NTM: variants seen among roughly 807,000 people sequenced by gnomAD.
NTM encodes the protein IgLON family member 2.
A neutral mutation model predicts 42.1 loss-of-function variants in NTM; 13 were observed. The observed-to-expected ratio is 0.31, with a 90% CI of 0.20 to 0.49. The LOEUF (loss-of-function observed/expected upper bound fraction) is 0.49, where lower values mean the gene tolerates loss of function less well. NTM is among the 20% of genes least tolerant of loss of function. The pLI is 0.99. For missense variants in NTM, 373 were observed against 452.8 expected (o/e 0.82, Z 1.60); for synonymous variants, 187 against 179.2 (o/e 1.04, Z -0.35).
intron 1 of NTM, among the ~76,000 whole-genome samples, chr11:131,678,840 C>T (rs1361821051): frequency 2.0e-5 from 3 of 152,144 alleles, no homozygotes; most frequent in African/African-American, 7.2e-5. Context: ...TAGAACAAGG[C>T]TGTCCGGGAC....
At chr11:132,113,662 T>A (rs372233543) in intron 2 of NTM, among the ~76,000 whole-genome samples, 14 of 152,246 alleles carry the variant, frequency 9.2e-5, no homozygotes, top group African/African-American at 3.1e-4. Flanking sequence ...GTTAACACAA[T>A]CATTTCTTGG....
chr11:131,570,329 G>A (rs1161700989), intron 1 of NTM, among the ~76,000 whole-genome samples: 2 of 152,100 alleles, frequency 1.3e-5, no homozygotes, highest in African/African-American at 4.8e-5. Context: ...ATACTCCTCG[G>A]CCGCGTTCCA....
At chr11:131,596,368 T>G (rs1266004150) in intron 1 of NTM, among the ~76,000 whole-genome samples, 1 of 152,230 alleles carries the variant, frequency 6.6e-6, no homozygotes, top group African/African-American at 2.4e-5. Context: ...AGGTCTCCAC[T>G]GCAAATACCA....
intron 3 of NTM, among the ~76,000 whole-genome samples, chr11:132,189,104 A>AG (rs2078893289): frequency 6.6e-6 from 1 of 152,290 alleles, no homozygotes; most frequent in South Asian, 2.1e-4. Flanking sequence ...AGTGTTGGGA[A>AG]GGGGGGCAGG....
At chr11:131,802,242 T>C (rs2092179376) in intron 1 of NTM, among the ~76,000 whole-genome samples, 1 of 152,142 alleles carries the variant, frequency 6.6e-6, no homozygotes, top group South Asian at 2.1e-4. Flanking sequence ...CTCAGAAAAT[T>C]CTCCCATTTA....
chr11:131,503,441 A>T (rs2047078098), intron 1 of NTM, among the ~76,000 whole-genome samples: 2 of 152,152 alleles, frequency 1.3e-5, no homozygotes, highest in Admixed American at 1.3e-4. Context: ...AGACAGCAGA[A>T]GGTGGAGGAA....
At position 131,789,506 on chromosome 11, in the gene NTM, GAA is replaced by G. The variant is rs1565551333; in HGVS notation, c.83-122057_83-122056del. On this transcript the variant is annotated intron_variant, in intron 1 of 8. Transcript: ENST00000683400. ...GAAGAAGAAGAGGAAAGAAGAAGAA[GAA>G]GAAGAAGAAGAAGAAGAAGAAGAAG... Among the ~76,000 whole-genome samples the G allele has an allele frequency of 3.1e-4, 3 of 9,792 alleles. 1 individual carries two copies. The highest frequency in any genetic ancestry group is 2.6e-3 in the East Asian group (1 of 380). 6.4% of individuals were successfully genotyped at this position (9,792 alleles called of 152,430 possible).
intron 2 of NTM, among the ~76,000 whole-genome samples, chr11:132,098,492 C>T (rs1315077465): frequency 6.6e-6 from 1 of 152,226 alleles, no homozygotes; most frequent in Non-Finnish European, 1.5e-5. Context: ...TGGCAGCTGT[C>T]TCCTACCCAC....
chr11:131,801,254 T>C (rs973617845), intron 1 of NTM, among the ~76,000 whole-genome samples: 4 of 152,328 alleles, frequency 2.6e-5, no homozygotes, highest in African/African-American at 9.6e-5. Flanking sequence ...ATGGGTAGAA[T>C]GCTATTTGTC....
At chr11:131,853,838 T>C (rs2045835449) in intron 1 of NTM, among the ~76,000 whole-genome samples, 1 of 152,214 alleles carries the variant, frequency 6.6e-6, no homozygotes, top group South Asian at 2.1e-4. Context: ...ACAATGGCTA[T>C]ACTACTCTAC....
intron 1 of NTM, among the ~76,000 whole-genome samples, chr11:131,598,300 G>A (rs2059987379): frequency 6.6e-6 from 1 of 152,192 alleles, no homozygotes; most frequent in African/African-American, 2.4e-5. Context: ...TTCTAGTTGT[G>A]GTGCCAGATG....
chr11:131,858,189 T>C (rs1208446970), intron 1 of NTM, among the ~76,000 whole-genome samples: 1 of 152,186 alleles, frequency 6.6e-6, no homozygotes, highest in Non-Finnish European at 1.5e-5. Context: ...CACTCTCTTT[T>C]CTTCATGCTA....
At chr11:132,175,177 G>A (rs1275570109) in intron 3 of NTM, among the ~76,000 whole-genome samples, 3 of 152,120 alleles carry the variant, frequency 2.0e-5, no homozygotes, top group Middle Eastern at 6.8e-3. Flanking sequence ...TAAAGGTTTG[G>A]GGTGCACTTG....
intron 1 of NTM, among the ~76,000 whole-genome samples, chr11:131,654,491 T>G (rs939813422): frequency 5.3e-5 from 8 of 151,846 alleles, no homozygotes; most frequent in African/African-American, 1.9e-4. Flanking sequence ...CTTCTCAGAG[T>G]CCGGTCTCTG....
In NTM at chr11:131,571,213, C is replaced by CT. The variant is rs1285450160; in HGVS notation, c.82+200331dup. On this transcript the variant is annotated intron_variant, in intron 1 of 8. Transcript: ENST00000683400. Reference sequence around the variant, plus strand: ...ACTATTAGGTAACTAATTAACCATGCTTTTTTATAAATGCTGGAGTTGGGG... The same window carrying CT: ...ACTATTAGGTAACTAATTAACCATGCTTTTTTTATAAATGCTGGAGTTGGGG... Among the ~76,000 whole-genome samples, 4 of 152,330 alleles carry CT rather than the reference C, an allele frequency of 2.6e-5. No homozygotes were observed. In the South Asian group the frequency reaches 8.3e-4, roughly 32 times the overall value.
chr11:131,774,036 G>A, intron 1 of NTM: 1 of 983,550 alleles, frequency 1.0e-6, no homozygotes, highest in Non-Finnish European at 1.2e-6. Flanking sequence ...CAATAGCCTT[G>A]GTGTCATTGA....
At chr11:132,259,698 T>G (rs2092725063) in intron 4 of NTM, among the ~76,000 whole-genome samples, 1 of 152,076 alleles carries the variant, frequency 6.6e-6, no homozygotes. Context: ...AGAAGTTTTT[T>G]AGTTGATCAC....
At chr11:131,468,878 T>C (rs1270599136) in intron 1 of NTM, among the ~76,000 whole-genome samples, 1 of 152,076 alleles carries the variant, frequency 6.6e-6, no homozygotes, top group Non-Finnish European at 1.5e-5. Flanking sequence ...AAGGGGCAGG[T>C]GGTTTGGGCA....
At chr11:131,813,568 G>T (rs1432636103) in intron 1 of NTM, among the ~76,000 whole-genome samples, 1 of 152,162 alleles carries the variant, frequency 6.6e-6, no homozygotes, top group Non-Finnish European at 1.5e-5. Flanking sequence ...TTAAAGAATG[G>T]TTAAGACTTT....
Sources: gnomAD v4.1 joint callset for allele counts (sites outside exome capture counted in the v4.1 genomes callset) on GRCh38, gnomAD v4.1.1 for gene constraint, MANE v1.5 for transcripts, NCBI Gene and HGNC (gene_info 2026-07-23, HGNC 2026-07-21) for gene names.